ZNF440: variants seen among roughly 807,000 people sequenced by gnomAD.
ZNF440 encodes the protein zinc finger protein 440.
A neutral mutation model predicts 49.7 loss-of-function variants in ZNF440; 47 were observed. The ratio of observed to expected loss-of-function variants is 0.95; its 90% CI spans 0.75 to 1.21. The LOEUF (loss-of-function observed/expected upper bound fraction) is 1.21. Among genes scored for constraint, ZNF440 ranks in the 50% most tolerant of loss-of-function variants. ZNF440 has a pLI of 0.00. For missense variants in ZNF440, 703 were observed against 715.0 expected (o/e 0.98, Z 0.19); for synonymous variants, 255 against 237.7 (o/e 1.07, Z -0.67).
At chr19:11,817,850 T>A (rs1258496433) in intron 1 of ZNF440, among the ~76,000 whole-genome samples, 1 of 152,168 alleles carries the variant, frequency 6.6e-6, no homozygotes, top group Non-Finnish European at 1.5e-5. Context: ...ACAAAATTTA[T>A]TACTCTGTTG....
chr19:11,820,298 G>A (rs2685672), intron 1 of ZNF440, among the ~76,000 whole-genome samples: 50,554 of 151,816 alleles, frequency 0.33, 8,597 homozygotes, highest in Non-Finnish European at 0.37. Flanking sequence ...CTCACTGCAA[G>A]CTCCGCTTCC....
At chr19:11,825,410 T>C (rs960254969) in intron 1 of ZNF440, among the ~76,000 whole-genome samples, 16 of 152,260 alleles carry the variant, frequency 1.1e-4, no homozygotes, top group African/African-American at 3.6e-4. Context: ...GAGAAGTGTT[T>C]TACTGCCCTC....
chr19:11,825,690 A>G (rs1343443472), intron 1 of ZNF440, among the ~76,000 whole-genome samples: 1 of 151,270 alleles, frequency 6.6e-6, no homozygotes, highest in Non-Finnish European at 1.5e-5. Flanking sequence ...GTTTTGTGAG[A>G]GACAGGGTCT....
intron 1 of ZNF440, among the ~76,000 whole-genome samples, chr19:11,814,715 G>C (rs1975710450): frequency 6.6e-6 from 1 of 152,194 alleles, no homozygotes; most frequent in Non-Finnish European, 1.5e-5. Context: ...GGAGGGATAT[G>C]GGGGGATCCC....
Position 11,831,383 on chromosome 19 carries a change from A to G in ZNF440, c.207A>G (p.Glu69=). The G allele has an allele frequency of 1.2e-6, 2 of 1,607,462 alleles. No homozygotes were observed. Among genetic ancestry groups the G allele is most frequent in the Non-Finnish European group, 1.7e-6 (2 of 1,178,520 alleles). The part of the protein sequence containing the change: ...PRRNFRSLIE[E]KVNEIKDDSH... ...TTTTTGACAGGAGTCTCATAGAAGA[A>G]AAAGTCAATGAAATTAAAGATGACA... The change falls in exon 4 of 4, where the codon GAA becomes GAG. Residue 69 remains glutamate, a synonymous_variant. Transcript: ENST00000304060.
chr19:11,832,095 T>A lies in ZNF440; in HGVS notation c.919T>A (p.Ser307Thr). ...RYVRIHERTH[S>T]RKNLYECKQC... ...TGTTCGTATACATGAAAGGACCCACTCTAGGAAAAATCTCTATGAATGTAA... is the reference window on the plus strand; with the variant it reads ...TGTTCGTATACATGAAAGGACCCACACTAGGAAAAATCTCTATGAATGTAA... The change falls in exon 4 of 4, where the codon TCT becomes ACT. Residue 307 changes from serine (S) to threonine (T), a missense_variant. Coordinates refer to ENST00000304060, the MANE Select transcript of ZNF440 (RefSeq NM_152357.3). The A allele has an allele frequency of 6.2e-7, 1 of 1,614,120 alleles. No individual in the cohort carries two copies. Among genetic ancestry groups the A allele is most frequent in the Non-Finnish European group, 8.5e-7 (1 of 1,180,002 alleles).
At chr19:11,819,951 T>C (rs528970448) in intron 1 of ZNF440, among the ~76,000 whole-genome samples, 2 of 152,270 alleles carry the variant, frequency 1.3e-5, no homozygotes, top group South Asian at 4.1e-4. Context: ...CACTACAATT[T>C]CCAAATATAC....
rs867651227 is a variant in ZNF440 at position 11,829,595 on chromosome 19, G to A, written c.4-688G>A. ...ACATTAGGGACAGCCCAGGCAACCC[G>A]CTTTTCTCCCTGGGTTCGGTAAATA... On this transcript the variant is annotated intron_variant, in intron 1 of 3. Coordinates refer to ENST00000304060, the MANE Select transcript of ZNF440 (RefSeq NM_152357.3). 1.1e-4 allele frequency among the ~76,000 whole-genome samples: 17 copies of A among 152,190 alleles called. No individual in the cohort carries two copies. The South Asian group carries it at 1.2e-3, about 11-fold the overall frequency.
In ZNF440 at chr19:11,832,531, A is replaced by G; in HGVS notation, c.1355A>G (p.His452Arg). The G allele has an allele frequency of 6.2e-7, 1 of 1,613,928 alleles. No individual in the cohort carries two copies. Among genetic ancestry groups the G allele is most frequent in the Non-Finnish European group, 8.5e-7 (1 of 1,179,946 alleles). ...AGGACACAAACACACATAAGAATACACTCTGGAGAAAGACGTTATAAATGT... is the reference window on the plus strand; with the variant it reads ...AGGACACAAACACACATAAGAATACGCTCTGGAGAAAGACGTTATAAATGT... Reference protein sequence around the residue: ...HERTQTHIRIHSGERRYKCKI... With the variant: ...HERTQTHIRIRSGERRYKCKI... The change falls in exon 4 of 4, where the codon CAC becomes CGC. Residue 452 changes from histidine (H) to arginine (R), a missense_variant. Physicochemically the swap from His to Arg is conservative, Grantham distance 29. Transcript: ENST00000304060.
rs760299774 is a variant in ZNF440, at chr19:11,832,502, T to C, written c.1326T>C (p.His442=). The C allele has an allele frequency of 2.3e-5, 37 of 1,613,506 alleles. No individual in the cohort carries two copies. The highest frequency in any genetic ancestry group is 3.1e-5 in the Non-Finnish European group (37 of 1,179,948). The change falls in exon 4 of 4, where the codon CAT becomes CAC. Residue 442 remains histidine, a synonymous_variant. Transcript: ENST00000304060. ...AFRYVNNLQS[H]ERTQTHIRIH... ...GATATGTGAATAACCTTCAAAGTCA[T>C]GAAAGGACACAAACACACATAAGAA...
At chr19:11,827,053 T>C (rs1975875626) in intron 1 of ZNF440, among the ~76,000 whole-genome samples, 1 of 147,682 alleles carries the variant, frequency 6.8e-6, no homozygotes, top group Non-Finnish European at 1.5e-5. Context: ...GGAGGTATAC[T>C]TGGAAAGATT....
At chr19:11,818,459 T>C (rs891026961) in intron 1 of ZNF440, among the ~76,000 whole-genome samples, 2 of 152,178 alleles carry the variant, frequency 1.3e-5, no homozygotes, top group African/African-American at 4.8e-5. Flanking sequence ...AGGCACCTGC[T>C]TCCCTAACAC....
chr19:11,818,123 T>G (rs1568238465), intron 1 of ZNF440, among the ~76,000 whole-genome samples: 1 of 152,090 alleles, frequency 6.6e-6, no homozygotes, highest in Non-Finnish European at 1.5e-5. Context: ...GAGAATTGCT[T>G]GAACTTGGGA....
intron 1 of ZNF440, among the ~76,000 whole-genome samples, chr19:11,825,230 T>A (rs1975849716): frequency 6.6e-6 from 1 of 151,888 alleles, no homozygotes; most frequent in South Asian, 2.1e-4. Flanking sequence ...ATTGACTTTG[T>A]GTAGTGTATC....
At chr19:11,830,929 C>T (rs1193489994) in intron 3 of ZNF440, among the ~76,000 whole-genome samples, 1 of 152,060 alleles carries the variant, frequency 6.6e-6, no homozygotes, top group Non-Finnish European at 1.5e-5. Flanking sequence ...GGCAACATAA[C>T]GAGACCACAT....
intron 1 of ZNF440, among the ~76,000 whole-genome samples, chr19:11,825,094 G>A (rs1422172885): frequency 6.6e-6 from 1 of 151,834 alleles, no homozygotes; most frequent in East Asian, 1.9e-4. Context: ...AAAGCAGCAG[G>A]ACAGCTTGGA....
intron 1 of ZNF440, chr19:11,816,323 C>A (rs978221410): frequency 6.6e-6 from 1 of 152,184 alleles, no homozygotes; most frequent in African/African-American, 2.4e-5. Flanking sequence ...CATTCCATCC[C>A]AGCCAAAAAA....
intron 1 of ZNF440, among the ~76,000 whole-genome samples, chr19:11,823,666 T>G (rs1051017847): frequency 2.6e-5 from 4 of 152,010 alleles, no homozygotes; most frequent in African/African-American, 9.7e-5. Context: ...GAAAATTAGT[T>G]TTAATAGAAA....
chr19:11,831,440 A>G lies in ZNF440; in HGVS notation c.264A>G (p.Pro88=), dbSNP rs759008955. The G allele has an allele frequency of 2.5e-6, 4 of 1,613,920 alleles. No homozygotes were observed. Among genetic ancestry groups the G allele is most frequent in the Non-Finnish European group, 3.4e-6 (4 of 1,179,844 alleles). ...GTGGAGAAACTTTTACCCCAGTTCC[A>G]GATGACAGACTGAACTTCCAGGAGA... ...SHCGETFTPV[P]DDRLNFQEKK... Residue 88 remains proline, a synonymous_variant, in exon 4 of 4, where the codon CCA becomes CCG. Transcript: ENST00000304060.
Sources: allele counts gnomAD v4.1 joint callset (sites outside exome capture counted in the v4.1 genomes callset), GRCh38; gene constraint gnomAD v4.1.1; transcripts MANE v1.5; gene names NCBI Gene and HGNC (gene_info 2026-07-23, HGNC 2026-07-21).